The following ST6GAL2 variants were observed in gnomAD, a reference collection of about 807,000 sequenced individuals.
ST6GAL2 encodes the protein ST6 beta-galactoside alpha-2,6-sialyltransferase 2, also known as beta-galactoside alpha-2,6-sialyltransferase 2.
A neutral mutation model predicts 37.5 loss-of-function variants in ST6GAL2; 24 were observed. The ratio of observed to expected loss-of-function variants is 0.64; its 90% CI spans 0.46 to 0.90. The LOEUF is 0.90. ST6GAL2 is among the 40% of genes least tolerant of loss of function. The pLI is 0.00. For synonymous variants in ST6GAL2, 306 were observed against 295.1 expected (o/e 1.04, Z -0.38); for missense variants, 715 against 712.7 (o/e 1.00, Z -0.04).
intron 2 of ST6GAL2, chr2:106,834,381 A>G: frequency 4.5e-6 from 2 of 446,648 alleles, no homozygotes; most frequent in Non-Finnish European, 8.0e-6. Context: ...TATGGGCGAG[A>G]CTGTATGATC....
At chr2:106,827,657 G>A (rs1052708095) in intron 5 of ST6GAL2, among the ~76,000 whole-genome samples, 14 of 152,076 alleles carry the variant, frequency 9.2e-5, no homozygotes, top group African/African-American at 3.1e-4. Flanking sequence ...TCTACATAAC[G>A]TTCTGGGACA....
In ST6GAL2 at chr2:106,856,006, C is replaced by CGTGA. The variant is rs373885592; in HGVS notation, c.-57-11973_-57-11972insTCAC. Reference sequence around the variant, plus strand: ...CTTCCGGTGGAACAACGATTACAATCCTGACTTTTACTATCCATGTAAACT... The same window carrying CGTGA: ...CTTCCGGTGGAACAACGATTACAATCGTGACTGACTTTTACTATCCATGTAAACT... On this transcript the variant is annotated intron_variant, in intron 1 of 5. Coordinates refer to ENST00000409382, the MANE Select transcript of ST6GAL2 (RefSeq NM_001142351.2). Among the ~76,000 whole-genome samples, 478 of 152,340 alleles carry CGTGA rather than the reference C, an allele frequency of 3.1e-3. 5 individuals carry two copies. The highest frequency in any genetic ancestry group is 0.011 in the African/African-American group (455 of 41,582).
intron 5 of ST6GAL2, among the ~76,000 whole-genome samples, chr2:106,816,998 A>G (rs1440667512): frequency 1.3e-5 from 2 of 152,234 alleles, no homozygotes; most frequent in Non-Finnish European, 2.9e-5. Context: ...GAACTCAGCC[A>G]GAACCTATGG....
intron 5 of ST6GAL2, among the ~76,000 whole-genome samples, chr2:106,821,908 A>T (rs1225216650): frequency 6.6e-6 from 1 of 152,184 alleles, no homozygotes; most frequent in Admixed American, 6.5e-5. Flanking sequence ...GACAAAAAAC[A>T]TATAATCATT....
At chr2:106,886,554 C>A (rs1402128807), upstream of ST6GAL2, 1 of 151,736 alleles carries the variant, frequency 6.6e-6, no homozygotes, top group African/African-American at 2.4e-5. Flanking sequence ...CTCATTGTTT[C>A]GGGCAGCGCG....
At position 106,806,915 on chromosome 2, in the gene ST6GAL2, C is replaced by G; in HGVS notation, c.1353G>C (p.Val451=). The change falls in exon 6 of 6, where the codon GTG becomes GTC. Residue 451 remains valine (V), a synonymous_variant. Coordinates refer to ENST00000409382, the MANE Select transcript of ST6GAL2 (RefSeq NM_001142351.2). ...ILIMMSMCRE[V]HVYEYIPSVR... is the part of the protein sequence containing the mutation. ...CGGATGGGATATATTCATACACGTG[C>G]ACCTCTCTGCACATGGACATCATTA... The G allele has an allele frequency of 6.2e-7, 1 of 1,613,688 alleles. No individual in the cohort carries two copies. Among genetic ancestry groups the G allele is most frequent in the Non-Finnish European group, 8.5e-7 (1 of 1,179,702 alleles).
At chr2:106,825,112 G>A (rs7567313) in intron 5 of ST6GAL2, 1 of 152,144 alleles carries the variant, frequency 6.6e-6, no homozygotes, top group African/African-American at 2.4e-5. Context: ...ATAATGATTC[G>A]TGCCTGCTAT....
At chr2:106,882,721 T>A (rs1046896458) in intron 1 of ST6GAL2, among the ~76,000 whole-genome samples, 3 of 152,200 alleles carry the variant, frequency 2.0e-5, no homozygotes, top group Admixed American at 6.5e-5. Flanking sequence ...GGCCAATAGC[T>A]TTCCTTTGCT....
chr2:106,823,484 C>G (rs867976513), intron 5 of ST6GAL2, among the ~76,000 whole-genome samples: 165 of 96,524 alleles, frequency 1.7e-3, no homozygotes, highest in African/African-American at 4.2e-3. Flanking sequence ...CACACACACA[C>G]ACAGAGAGAG....
At chr2:106,864,528 A>G (rs963624955) in intron 1 of ST6GAL2, among the ~76,000 whole-genome samples, 3 of 152,230 alleles carry the variant, frequency 2.0e-5, no homozygotes, top group Admixed American at 6.5e-5. Flanking sequence ...TTCCCATTCG[A>G]GAAGGCAAAG....
intron 1 of ST6GAL2, among the ~76,000 whole-genome samples, chr2:106,885,388 T>C (rs971255787): frequency 6.6e-6 from 1 of 152,134 alleles, no homozygotes; most frequent in African/African-American, 2.4e-5. Flanking sequence ...AAGTTCAGCC[T>C]GACAAAACAA....
chr2:106,886,333 G>A (rs1177106453), upstream of ST6GAL2: 1 of 152,150 alleles, frequency 6.6e-6, no homozygotes, highest in African/African-American at 2.4e-5. Context: ...TGCGCGGCGG[G>A]AGTCGTCCTG....
intron 1 of ST6GAL2, among the ~76,000 whole-genome samples, chr2:106,864,724 G>A (rs766238447): frequency 1.3e-5 from 2 of 152,198 alleles, no homozygotes; most frequent in African/African-American, 4.8e-5. Context: ...GGCTCCACAG[G>A]AAAGGCAATT....
At chr2:106,858,944 C>T (rs1347801586) in intron 1 of ST6GAL2, among the ~76,000 whole-genome samples, 4 of 152,108 alleles carry the variant, frequency 2.6e-5, no homozygotes, top group Non-Finnish European at 5.9e-5. Context: ...ATCTGCACAA[C>T]TAAAGAAGAA....
chr2:106,876,080 C>A (rs1288870769), intron 1 of ST6GAL2, among the ~76,000 whole-genome samples: 1 of 152,142 alleles, frequency 6.6e-6, no homozygotes, highest in Non-Finnish European at 1.5e-5. Context: ...GATCCTCCTG[C>A]CTTAACCTCC....
At chr2:106,806,989 C>A in intron 5 of ST6GAL2, 40 bp from the exon 6 acceptor site, 1 of 1,554,810 alleles carries the variant, frequency 6.4e-7, no homozygotes, top group Non-Finnish European at 8.7e-7. Context: ...ATGAACAACT[C>A]CATGTGAGAG....
At chr2:106,871,134 T>C (rs1162729552) in intron 1 of ST6GAL2, among the ~76,000 whole-genome samples, 2 of 152,250 alleles carry the variant, frequency 1.3e-5, no homozygotes, top group African/African-American at 4.8e-5. Flanking sequence ...GTCACTGTAC[T>C]GCATACTAGG....
chr2:106,880,785 C>T (rs1448731332), intron 1 of ST6GAL2, among the ~76,000 whole-genome samples: 2 of 152,136 alleles, frequency 1.3e-5, no homozygotes, highest in Non-Finnish European at 1.5e-5. Context: ...CTTTGTTAGT[C>T]AATAGCCATG....
chr2:106,836,944 CAAAAA>C (rs10700905), intron 2 of ST6GAL2, among the ~76,000 whole-genome samples: 1 of 85,726 alleles, frequency 1.2e-5, no homozygotes, highest in African/African-American at 5.3e-5. Flanking sequence ...AATTCCATCT[CAAAAA>C]AAAAAAAAAA....
Sources: allele counts gnomAD v4.1 joint callset (sites outside exome capture counted in the v4.1 genomes callset), GRCh38; gene constraint gnomAD v4.1.1; transcripts MANE v1.5; gene names NCBI Gene and HGNC (gene_info 2026-07-23, HGNC 2026-07-21).